The following PIK3CD variants were observed in gnomAD, a reference collection of about 807,000 sequenced individuals.
The protein encoded by PIK3CD is phosphatidylinositol-4,5-bisphosphate 3-kinase catalytic subunit delta.
A neutral mutation model predicts 122.9 loss-of-function variants in PIK3CD; 20 were observed. That is an observed-to-expected ratio of 0.16 (90% confidence interval 0.11 to 0.24). The LOEUF is 0.24. Among genes scored for constraint, PIK3CD ranks in the 10% least tolerant of loss-of-function variants. The pLI is 1.00. For missense variants in PIK3CD, 787 were observed against 1,406.3 expected, an observed-to-expected ratio of 0.56 and a Z score of 7.04; for synonymous variants, 596 against 593.4, an observed-to-expected ratio of 1.00 and a Z score of -0.06.
At chr1:9,698,432 A>G (rs1164790645) in intron 2 of PIK3CD, among the ~76,000 whole-genome samples, 1 of 152,208 alleles carries the variant, frequency 6.6e-6, no homozygotes, top group Non-Finnish European at 1.5e-5. Flanking sequence ...GTGAGCCACC[A>G]TGGCTGGCCT....
At position 9,723,357 on chromosome 1, in the gene PIK3CD, G is replaced by A. The variant is rs1014356030; in HGVS notation, c.2594+65G>A. The A allele has an allele frequency of 1.6e-5, 24 of 1,543,334 alleles. No homozygotes were observed. The highest frequency in any genetic ancestry group is 1.2e-4 in the African/African-American group (9 of 73,514). ...AAGAGGTGTGGAGTGGGAGGGCCTC[G>A]CCTGTCAGAACAAAGGAGCGGGGAG... On this transcript the variant is annotated intron_variant, in intron 20 of 23. Transcript: ENST00000377346. The surrounding 1 kb of genome is among the most constrained non-coding windows in gnomAD (Gnocchi z 4.9).
rs79360045 is a variant in PIK3CD, at chr1:9,723,814, C to T, written c.2595-155C>T. Among the ~76,000 whole-genome samples the T allele has an allele frequency of 7.0e-4, 107 of 152,270 alleles. No homozygotes were observed. The highest frequency in any genetic ancestry group is 2.4e-3 in the African/African-American group (99 of 41,548). ...TCTTCATGCCTTGGCTCTGGAATAGCGTCTGCAAGCGATGTCCAGCATTGT... is the reference window on the plus strand; with the variant it reads ...TCTTCATGCCTTGGCTCTGGAATAGTGTCTGCAAGCGATGTCCAGCATTGT... On this transcript the variant is annotated intron_variant, in intron 20 of 23. Transcript: ENST00000377346. This position sits in a 1 kb window ranked among gnomAD's most constrained non-coding sequence, Gnocchi z 4.9.
rs1029785922 is a variant in PIK3CD, at chr1:9,704,900, T to A, written c.-32-5524T>A. On this transcript the variant is annotated intron_variant, in intron 2 of 23. Coordinates refer to ENST00000377346, the MANE Select transcript of PIK3CD (RefSeq NM_005026.5). The surrounding 1 kb of genome is among the most constrained non-coding windows in gnomAD (Gnocchi z 5.0). ...CCAAAGTAGGATGTGGTTTTGCAAT[T>A]GGAGGAAGTGGCGACCAGCAGTGGC... 5.3e-5 allele frequency among the ~76,000 whole-genome samples: 8 copies of A among 152,186 alleles called. No homozygotes were observed. Among genetic ancestry groups the A allele is most frequent in the African/African-American group, 1.9e-4 (8 of 41,452 alleles).
rs747323075 is a variant in PIK3CD at position 9,715,839 on chromosome 1, C to T, written c.371-10C>T. The T allele has an allele frequency of 8.7e-6, 14 of 1,611,290 alleles. No homozygotes were observed. Among genetic ancestry groups the T allele is most frequent in the East Asian group, 2.2e-5 (1 of 44,838 alleles). On this transcript the variant is annotated splice_polypyrimidine_tract_variant and intron_variant, in intron 4 of 23. Transcript: ENST00000377346. The surrounding 1 kb of genome is among the most constrained non-coding windows in gnomAD (Gnocchi z 4.1). ...CCCCACCCGCTGACCCAGCCCTCCC[C>T]ACCCCGCAGGCCTCCACGAGTTTGA... is the stretch of plus-strand genomic sequence containing the variant.
upstream of PIK3CD, among the ~76,000 whole-genome samples, chr1:9,647,613 C>T (rs187536119): frequency 6.6e-6 from 1 of 151,714 alleles, no homozygotes; most frequent in Admixed American, 6.6e-5. Flanking sequence ...AAGGGATCCT[C>T]CTTCTACCTC....
rs534565883 is a variant in PIK3CD, at chr1:9,716,747, A to T, written c.780+128A>T. 4.0e-5 allele frequency: 47 copies of T among 1,185,744 alleles called. 1 individual carries two copies. In the South Asian group the frequency reaches 5.9e-4, roughly 15 times the overall value. 73.5% of individuals were successfully genotyped at this position (1,185,744 alleles called of 1,614,324 possible). A position where few individuals can be genotyped will look rare whatever the true frequency, so the allele number is the denominator to read the frequency against. ...AGCCAGGCCTTTGGGTCACCGCCAG[A>T]GCATCCCCTGGTAGGGCTGGCCCTC... On this transcript the variant is annotated intron_variant, in intron 6 of 23. Transcript: ENST00000377346.
At chr1:9,705,491 C>T (rs1459840482) in intron 2 of PIK3CD, among the ~76,000 whole-genome samples, 1 of 152,056 alleles carries the variant, frequency 6.6e-6, no homozygotes, top group African/African-American at 2.4e-5. Context: ...GAGTGAGACC[C>T]TGTCTCCTAA....
At chr1:9,706,185 C>G (rs768714755) in intron 2 of PIK3CD, among the ~76,000 whole-genome samples, 22 of 151,194 alleles carry the variant, frequency 1.5e-4, no homozygotes, top group African/African-American at 3.2e-4. Context: ...CTGCGACCAG[C>G]CTTAAGTGTG....
At position 9,700,468 on chromosome 1, in the gene PIK3CD, G is replaced by A. The variant is rs933079996; in HGVS notation, c.-33+8897G>A. Among the ~76,000 whole-genome samples, 7 of 152,210 alleles carry A rather than the reference G, an allele frequency of 4.6e-5. No individual in the cohort carries two copies. Among genetic ancestry groups the A allele is most frequent in the African/African-American group, 1.7e-4 (7 of 41,454 alleles). The stretch of plus-strand genomic sequence containing the variant: ...GAGGTGGGAAGGTGAAAGGAATTGT[G>A]TTCTTATCCTGTTTCCTTGGATATT... On this transcript the variant is annotated intron_variant, in intron 2 of 23. Transcript: ENST00000377346. The surrounding 1 kb of genome is among the most constrained non-coding windows in gnomAD (Gnocchi z 5.1).
intron 1 of PIK3CD, chr1:9,653,977 G>T: frequency 1.5e-6 from 2 of 1,340,072 alleles, no homozygotes; most frequent in Non-Finnish European, 2.0e-6. Context: ...AGGCCCAGAC[G>T]GGAGGATCAC....
At chr1:9,678,158 A>C (rs1271500644) in intron 1 of PIK3CD, among the ~76,000 whole-genome samples, 2 of 149,932 alleles carry the variant, frequency 1.3e-5, no homozygotes, top group African/African-American at 2.5e-5. Context: ...AAAAAAAAAA[A>C]CAAAAACAAA....
In PIK3CD at chr1:9,723,543, A is replaced by C. The variant is rs1649026370; in HGVS notation, c.2594+251A>C. 6.6e-6 allele frequency among the ~76,000 whole-genome samples: 1 copy of C among 152,210 alleles called. No homozygotes were observed. The highest frequency in any genetic ancestry group is 6.5e-5 in the Admixed American group (1 of 15,282). Reference sequence around the variant, plus strand: ...AAAAACAGCCATTTACGATTGGCTCACAGATCTGCAGCTGGGGCTGGGCTC... The same window carrying C: ...AAAAACAGCCATTTACGATTGGCTCCCAGATCTGCAGCTGGGGCTGGGCTC... On this transcript the variant is annotated intron_variant, in intron 20 of 23. Coordinates refer to ENST00000377346, the MANE Select transcript of PIK3CD (RefSeq NM_005026.5). This position sits in a 1 kb window ranked among gnomAD's most constrained non-coding sequence, Gnocchi z 4.9.
Position 9,722,188 on chromosome 1 carries a change from C to T in PIK3CD, c.2234+35C>T. ...AGCCCCGCCACAAGGGTTCCTCCCA[C>T]CCCTGGGAGGCCGGTAGAGGAGCCC... On this transcript the variant is annotated intron_variant, in intron 17 of 23. Transcript: ENST00000377346. This position sits in a 1 kb window ranked among gnomAD's most constrained non-coding sequence, Gnocchi z 7.6. The T allele has an allele frequency of 6.2e-6, 10 of 1,611,734 alleles. No individual in the cohort carries two copies. Among genetic ancestry groups the T allele is most frequent in the Non-Finnish European group, 8.5e-6 (10 of 1,179,076 alleles).
At position 9,703,887 on chromosome 1, in the gene PIK3CD, C is replaced by T. The variant is rs112537151; in HGVS notation, c.-32-6537C>T. Among the ~76,000 whole-genome samples, 478 of 152,168 alleles carry T rather than the reference C, an allele frequency of 3.1e-3. 3 individuals are homozygous for T. The highest frequency in any genetic ancestry group is 5.6e-3 in the Non-Finnish European group (381 of 67,998). On this transcript the variant is annotated intron_variant, in intron 2 of 23. Coordinates refer to ENST00000377346, the MANE Select transcript of PIK3CD (RefSeq NM_005026.5). ...TTTCTCTGGGGTGTGTACTTTGGAGCGGAATTGCTGGGTCCTAGGGCATAG... is the reference window on the plus strand; with the variant it reads ...TTTCTCTGGGGTGTGTACTTTGGAGTGGAATTGCTGGGTCCTAGGGCATAG...
intron 2 of PIK3CD, among the ~76,000 whole-genome samples, chr1:9,695,917 T>A (rs1213723183): frequency 6.6e-6 from 1 of 150,854 alleles, no homozygotes; most frequent in East Asian, 1.9e-4. Context: ...TGAGAATTAA[T>A]TAATTCTGAG....
the PIK3CD span, among the ~76,000 whole-genome samples, chr1:9,644,470 A>G: frequency 2.0e-5 from 3 of 150,968 alleles, no homozygotes; most frequent in Non-Finnish European, 4.4e-5. Flanking sequence ...GTGAGCCGAG[A>G]TCTCACCACT....
At chr1:9,725,242 G>A (rs1649334582) in intron 23 of PIK3CD, among the ~76,000 whole-genome samples, 1 of 152,238 alleles carries the variant, frequency 6.6e-6, no homozygotes, top group South Asian at 2.1e-4. Context: ...GTGAGCGCTG[G>A]CTCCCTCTGC....
intron 1 of PIK3CD, among the ~76,000 whole-genome samples, chr1:9,664,490 C>T (rs777829324): frequency 2.6e-5 from 4 of 152,208 alleles, no homozygotes; most frequent in Non-Finnish European, 2.9e-5. Context: ...CAAAGCCCTG[C>T]ACAGATACAG....
At chr1:9,642,586 G>A in the PIK3CD span, among the ~76,000 whole-genome samples, 7 of 150,312 alleles carry the variant, frequency 4.7e-5, no homozygotes, top group African/African-American at 9.7e-5. Context: ...GCGCAGTGGC[G>A]GGTGCCTGTA....
Sources: allele counts gnomAD v4.1 joint callset (sites outside exome capture counted in the v4.1 genomes callset), GRCh38; gene constraint gnomAD v4.1.1; non-coding constraint Gnocchi (gnomAD v3.1); transcripts MANE v1.5; gene names NCBI Gene and HGNC (gene_info 2026-07-23, HGNC 2026-07-21).